The following GALNTL6 variants were observed in gnomAD, a reference collection of about 807,000 sequenced individuals.
The protein encoded by GALNTL6 is polypeptide N-acetylgalactosaminyltransferase like 6.
Under a neutral mutation model 73.7 loss-of-function variants are expected in GALNTL6, and 46 were observed. The ratio of observed to expected loss-of-function variants is 0.62; its 90% CI spans 0.49 to 0.80. The LOEUF (loss-of-function observed/expected upper bound fraction) is 0.80, where lower values mean the gene tolerates loss of function less well. GALNTL6 is among the 30% of genes least tolerant of loss of function. The pLI is 0.00. For missense variants in GALNTL6, 604 were observed against 755.0 expected (o/e 0.80, Z 2.34); for synonymous variants, 259 against 263.7 (o/e 0.98, Z 0.17).
chr4:172,847,784 TATG>T (rs1043918980), intron 7 of GALNTL6, among the ~76,000 whole-genome samples: 1 of 152,144 alleles, frequency 6.6e-6, no homozygotes, highest in African/African-American at 2.4e-5. Context: ...TTTTTGAGGG[TATG>T]AGGACATCTA....
At chr4:171,939,286 AC>A (rs1167329544) in intron 2 of GALNTL6, among the ~76,000 whole-genome samples, 1 of 151,956 alleles carries the variant, frequency 6.6e-6, no homozygotes, top group Non-Finnish European at 1.5e-5. Context: ...TAATCAATAT[AC>A]TGATTTTTTT....
At chr4:172,475,954 T>G (rs1459815335) in intron 5 of GALNTL6, among the ~76,000 whole-genome samples, 1 of 152,250 alleles carries the variant, frequency 6.6e-6, no homozygotes, top group Non-Finnish European at 1.5e-5. Context: ...CAGCATTTAC[T>G]TGCATCTGGA....
intron 2 of GALNTL6, among the ~76,000 whole-genome samples, chr4:172,153,640 G>A (rs1036185279): frequency 6.6e-6 from 1 of 152,052 alleles, no homozygotes; most frequent in Non-Finnish European, 1.5e-5. Flanking sequence ...AAATTGCCAC[G>A]CTGGTTTGTC....
intron 5 of GALNTL6, among the ~76,000 whole-genome samples, chr4:172,751,635 G>A (rs1737428957): frequency 6.6e-6 from 1 of 152,184 alleles, no homozygotes; most frequent in South Asian, 2.1e-4. Context: ...AAACAGTGTA[G>A]GCTGGATCCT....
intron 10 of GALNTL6, among the ~76,000 whole-genome samples, chr4:172,989,500 C>A (rs1022624670): frequency 2.0e-5 from 3 of 152,110 alleles, no homozygotes; most frequent in Non-Finnish European, 4.4e-5. Flanking sequence ...TGTGTCCCCA[C>A]CCAAATCTCA....
At chr4:172,170,508 GTTTTT>G (rs1197633372) in intron 2 of GALNTL6, among the ~76,000 whole-genome samples, 16 of 120,070 alleles carry the variant, frequency 1.3e-4, no homozygotes, top group African/African-American at 4.1e-4. Context: ...TTCTTTGGTG[GTTTTT>G]TTTTTTTTTT....
intron 12 of GALNTL6, among the ~76,000 whole-genome samples, chr4:173,022,142 AAGAG>A (rs776418707): frequency 8.5e-6 from 1 of 118,290 alleles, no homozygotes; most frequent in Non-Finnish European, 1.8e-5. Context: ...AAGGAAGGAA[AAGAG>A]AGAGAGAAGG....
chr4:173,000,423 GA>G (rs1228387283), intron 10 of GALNTL6, among the ~76,000 whole-genome samples: 3 of 152,090 alleles, frequency 2.0e-5, no homozygotes, highest in Non-Finnish European at 4.4e-5. Context: ...TAAATAAATG[GA>G]AAAACATCCC....
At chr4:172,149,199 A>G (rs574749837) in intron 2 of GALNTL6, among the ~76,000 whole-genome samples, 1 of 152,360 alleles carries the variant, frequency 6.6e-6, no homozygotes, top group African/African-American at 2.4e-5. Flanking sequence ...ACATATACAT[A>G]TAATATCCAT....
intron 2 of GALNTL6, among the ~76,000 whole-genome samples, chr4:172,003,160 C>T (rs1040047386): frequency 3.9e-5 from 6 of 152,070 alleles, no homozygotes; most frequent in Middle Eastern, 3.4e-3. Flanking sequence ...ATTTACATAT[C>T]GTTTGCTTGA....
chr4:171,861,005 T>A (rs969850400), intron 2 of GALNTL6, among the ~76,000 whole-genome samples: 1 of 152,172 alleles, frequency 6.6e-6, no homozygotes, highest in Non-Finnish European at 1.5e-5. Context: ...TATCACTCTG[T>A]ACCTGTTCAG....
At position 172,509,229 on chromosome 4, in the gene GALNTL6, T is replaced by G. The variant is rs1437391851; in HGVS notation, c.553+160540T>G. Among the ~76,000 whole-genome samples the G allele has an allele frequency of 3.7e-5, 2 of 53,864 alleles. 1 individual carries two copies. Among genetic ancestry groups the G allele is most frequent in the Non-Finnish European group, 8.5e-5 (2 of 23,604 alleles). The allele number at this position is 53,864 out of a possible 152,430, so 35.3% of individuals were successfully genotyped here. ...ATTGAGCATTTTTTAATATGTGTGT[T>G]GGCCATTTGTATATCTTCTTTTGAG... On this transcript the variant is annotated intron_variant, in intron 5 of 12. Transcript: ENST00000506823.
chr4:172,227,198 T>C (rs1736896647), intron 2 of GALNTL6, among the ~76,000 whole-genome samples: 1 of 152,162 alleles, frequency 6.6e-6, no homozygotes, highest in African/African-American at 2.4e-5. Flanking sequence ...TACCTGCATC[T>C]CTTCCAGTTG....
intron 5 of GALNTL6, among the ~76,000 whole-genome samples, chr4:172,634,287 C>A (rs191834471): frequency 3.9e-5 from 6 of 152,304 alleles, no homozygotes; most frequent in Admixed American, 3.9e-4. Flanking sequence ...AGTCTGCCTG[C>A]AAATGAAACA....
chr4:172,555,096 T>G (rs1003144851), intron 5 of GALNTL6, among the ~76,000 whole-genome samples: 1 of 152,172 alleles, frequency 6.6e-6, no homozygotes, highest in Non-Finnish European at 1.5e-5. Flanking sequence ...GCACATAGCT[T>G]TTAATGTTGA....
chr4:171,936,592 G>A (rs1281070568), intron 2 of GALNTL6, among the ~76,000 whole-genome samples: 1 of 151,996 alleles, frequency 6.6e-6, no homozygotes, highest in African/African-American at 2.4e-5. Context: ...ATTCATTTGT[G>A]CCTGCAAGTT....
chr4:172,850,434 T>G (rs913247935), intron 7 of GALNTL6, among the ~76,000 whole-genome samples: 6 of 152,208 alleles, frequency 3.9e-5, no homozygotes, highest in Non-Finnish European at 7.3e-5. Flanking sequence ...CTTAAAATCC[T>G]AAAACATATG....
chr4:172,752,039 T>G (rs1737452592), intron 5 of GALNTL6, among the ~76,000 whole-genome samples: 1 of 112,458 alleles, frequency 8.9e-6, no homozygotes, highest in Non-Finnish European at 1.9e-5. Context: ...CCATATCAAC[T>G]TAAACTTAAA....
At chr4:172,011,690 T>C (rs1344101621) in intron 2 of GALNTL6, among the ~76,000 whole-genome samples, 1 of 152,066 alleles carries the variant, frequency 6.6e-6, no homozygotes, top group African/African-American at 2.4e-5. Flanking sequence ...TTATAACATA[T>C]TGTATCTTAT....
Sources: allele counts gnomAD v4.1 joint callset (sites outside exome capture counted in the v4.1 genomes callset), GRCh38; gene constraint gnomAD v4.1.1; transcripts MANE v1.5; gene names NCBI Gene and HGNC (gene_info 2026-07-23, HGNC 2026-07-21).